Variants in HOMER2 observed in about 807,000 individuals in gnomAD.
HOMER2 encodes homer scaffold protein 2, also known as homer protein homolog 2.
A neutral mutation model predicts 47.0 loss-of-function variants in HOMER2; 27 were observed. That is an observed-to-expected ratio of 0.57 (90% CI 0.42 to 0.79). The LOEUF is 0.79. Ranked by LOEUF, HOMER2 falls within the 30% of genes least tolerant of loss-of-function variation. The probability of loss-of-function intolerance (pLI) is 0.00; values close to 1 mark genes in which losing one functional copy is unlikely to be tolerated. For missense variants in HOMER2, 443 were observed against 435.0 expected, an observed-to-expected ratio of 1.02 and a Z score of -0.16; for synonymous variants, 161 against 163.8, an observed-to-expected ratio of 0.98 and a Z score of 0.13.
chr15:82,986,115 G>GT (rs1864634252), upstream of HOMER2: 8 of 985,108 alleles, frequency 8.1e-6, no homozygotes, highest in Non-Finnish European at 8.4e-6. Context: ...AGCATTTGAA[G>GT]AAGCGATCTG....
At chr15:82,911,364 G>C (rs1437537517) in intron 1 of HOMER2, among the ~76,000 whole-genome samples, 1 of 152,126 alleles carries the variant, frequency 6.6e-6, no homozygotes, top group African/African-American at 2.4e-5. Flanking sequence ...CAGGTTTCCA[G>C]GTAGCAGCAA....
intron 3 of HOMER2, among the ~76,000 whole-genome samples, chr15:82,873,779 A>C (rs2052253044): frequency 6.6e-6 from 1 of 152,182 alleles, no homozygotes; most frequent in East Asian, 1.9e-4. Flanking sequence ...TCTTCGTGGA[A>C]GTTCCTTGGG....
intron 1 of HOMER2, among the ~76,000 whole-genome samples, chr15:82,970,762 C>G (rs1396132231): frequency 6.6e-6 from 1 of 152,146 alleles, no homozygotes; most frequent in Non-Finnish European, 1.5e-5. Flanking sequence ...AAAAAATGGC[C>G]TCTTCTTGCC....
At position 82,849,797 on chromosome 15, in the gene HOMER2, CTCT is replaced by C. The variant is rs1481821485; in HGVS notation, c.947_949del (p.Lys316del). 1 of 1,613,894 alleles carries C rather than the reference CTCT, an allele frequency of 6.2e-7. No individual in the cohort carries two copies. The highest frequency in any genetic ancestry group is 8.5e-7 in the Non-Finnish European group (1 of 1,179,886). ...CTTCCCGTCCAGCACCTCCAGGAAG[CTCT>C]TCAACTCCACCTTCAGGTGGCGCTG... On this transcript the variant is annotated inframe_deletion, in exon 9 of 9. Transcript: ENST00000450735.
At chr15:82,942,384 C>T (rs995042101) in intron 1 of HOMER2, among the ~76,000 whole-genome samples, 2 of 152,128 alleles carry the variant, frequency 1.3e-5, no homozygotes, top group Non-Finnish European at 2.9e-5. Flanking sequence ...CAGATCCATA[C>T]GAGTAAGGAT....
Position 82,860,167 on chromosome 15 carries a change from C to T in HOMER2, c.388-1032G>A, listed in dbSNP as rs184563399. ...GGAGGCTGAGGCAGGACCCGGGAGG[C>T]GGAGGTTGCAGTGAGCTGAGATCGT... On this transcript the variant is annotated intron_variant, in intron 4 of 8. Coordinates refer to ENST00000450735, the MANE Select transcript of HOMER2 (RefSeq NM_004839.4). 4.7e-4 allele frequency among the ~76,000 whole-genome samples: 72 copies of T among 152,022 alleles called. 1 individual carries two copies. The highest frequency in any genetic ancestry group is 1.5e-3 in the South Asian group (7 of 4,822).
At chr15:82,851,375 C>T (rs1332951825) in intron 7 of HOMER2, 144 bp from the exon 8 acceptor site, 1 of 643,428 alleles carries the variant, frequency 1.6e-6, no homozygotes, top group African/African-American at 1.8e-5. Flanking sequence ...CATGCGAATA[C>T]TTCATCTCAG....
intron 1 of HOMER2, among the ~76,000 whole-genome samples, chr15:82,930,718 G>A (rs1430344328): frequency 6.6e-6 from 1 of 152,204 alleles, no homozygotes; most frequent in Non-Finnish European, 1.5e-5. Context: ...GATGGATGCA[G>A]CTTTTCAGCA....
chr15:82,926,450 G>A (rs1321406450), intron 1 of HOMER2: 1 of 152,230 alleles, frequency 6.6e-6, no homozygotes, highest in Non-Finnish European at 1.5e-5. Flanking sequence ...CACTTTTGGA[G>A]GCCGAGGCAG....
chr15:82,945,752 C>G (rs987673601), intron 1 of HOMER2, among the ~76,000 whole-genome samples: 1 of 151,952 alleles, frequency 6.6e-6, no homozygotes, highest in Admixed American at 6.5e-5. Flanking sequence ...GGGCAAATCA[C>G]GAGGTCAGGA....
chr15:82,963,751 G>A (rs752859010), intron 1 of HOMER2, among the ~76,000 whole-genome samples: 24 of 152,162 alleles, frequency 1.6e-4, no homozygotes, highest in Admixed American at 3.3e-4. Context: ...AGGCTCCCAG[G>A]CAGTCTTATC....
upstream of HOMER2, among the ~76,000 whole-genome samples, chr15:82,954,473 T>G (rs1438528620): frequency 6.6e-6 from 1 of 150,672 alleles, no homozygotes; most frequent in Non-Finnish European, 1.5e-5. Context: ...TTTTTTTTTT[T>G]TTGTATTTTT....
intron 1 of HOMER2, among the ~76,000 whole-genome samples, chr15:82,951,210 A>G (rs565688222): frequency 6.6e-6 from 1 of 152,284 alleles, no homozygotes; most frequent in South Asian, 2.1e-4. Flanking sequence ...CCTAAATGTA[A>G]GCACACTTCT....
chr15:82,953,849 C>T (rs941861987), upstream of HOMER2, among the ~76,000 whole-genome samples: 1 of 152,140 alleles, frequency 6.6e-6, no homozygotes, highest in Non-Finnish European at 1.5e-5. Context: ...CACCACTGCA[C>T]TCCAGCCTGG....
At chr15:82,948,772 CAG>C (rs1051091959) in intron 1 of HOMER2, among the ~76,000 whole-genome samples, 1 of 152,228 alleles carries the variant, frequency 6.6e-6, no homozygotes, top group Non-Finnish European at 1.5e-5. Context: ...TAGCAGAACA[CAG>C]TGAGGGGCAC....
chr15:82,941,411 C>G (rs1319789330), intron 1 of HOMER2, among the ~76,000 whole-genome samples: 1 of 134,630 alleles, frequency 7.4e-6, no homozygotes, highest in African/African-American at 2.8e-5. Context: ...CCACTGCACT[C>G]TAGCCTGGGC....
chr15:82,850,547 A>G (rs916255588), intron 8 of HOMER2, among the ~76,000 whole-genome samples: 1 of 152,268 alleles, frequency 6.6e-6, no homozygotes, highest in Admixed American at 6.5e-5. Context: ...TAAATGAGCC[A>G]TAAGCCTTTA....
downstream of HOMER2, among the ~76,000 whole-genome samples, chr15:82,836,418 T>A (rs2051127669): frequency 1.3e-5 from 2 of 152,240 alleles, no homozygotes; most frequent in Non-Finnish European, 2.9e-5. Flanking sequence ...CCCCTGCCCC[T>A]GCCACAGGTT....
chr15:82,849,903 C>T lies in HOMER2; in HGVS notation c.844G>A (p.Ala282Thr). The change falls in exon 9 of 9, where the codon GCG becomes ACG. Residue 282 changes from alanine (A) to threonine (T), a missense_variant and splice_region_variant. Transcript: ENST00000450735. ...AGGTTTTGATTGTCTCTCTCTGCCG[C>T]CTGGCCAAGCAAAAGGGAGAAGGGT... Reference protein sequence around the residue: ...ECEYVSEKLEAAERDNQNLED... With the variant: ...ECEYVSEKLETAERDNQNLED... 1 of 1,613,242 alleles carries T rather than the reference C, an allele frequency of 6.2e-7. No individual in the cohort carries two copies. The highest frequency in any genetic ancestry group is 1.7e-4 in the Middle Eastern group (1 of 6,058).
Sources: gnomAD v4.1 joint callset for allele counts (sites outside exome capture counted in the v4.1 genomes callset) on GRCh38, gnomAD v4.1.1 for gene constraint, MANE v1.5 for transcripts, NCBI Gene and HGNC (gene_info 2026-07-23, HGNC 2026-07-21) for gene names.